The following CNTNAP2 variants were observed in gnomAD, a reference collection of about 807,000 sequenced individuals.
CNTNAP2 encodes the protein contactin-associated protein-like 2.
In CNTNAP2, 98 loss-of-function variants were observed where a neutral mutation model predicts 155.2. The observed-to-expected ratio is 0.63, with a 90% CI of 0.54 to 0.75. CNTNAP2 has a LOEUF of 0.75. CNTNAP2 is among the 30% of genes least tolerant of loss of function. The pLI, the probability that CNTNAP2 is intolerant of heterozygous loss-of-function variation, is 0.00. For missense variants in CNTNAP2, 1,727 were observed against 1,688.1 expected, an observed-to-expected ratio of 1.02 and a Z score of -0.40; for synonymous variants, 651 against 631.2, an observed-to-expected ratio of 1.03 and a Z score of -0.47.
chr7:146,923,766 A>G (rs1185573419), intron 3 of CNTNAP2, among the ~76,000 whole-genome samples: 3 of 152,050 alleles, frequency 2.0e-5, no homozygotes, highest in Non-Finnish European at 4.4e-5. Flanking sequence ...TTTGATCAAG[A>G]TCTCTCTCGA....
chr7:147,913,557 A>C (rs1800105988), intron 14 of CNTNAP2, among the ~76,000 whole-genome samples: 1 of 152,216 alleles, frequency 6.6e-6, no homozygotes, highest in Non-Finnish European at 1.5e-5. Context: ...AAACATGGAC[A>C]ATGGATATTT....
chr7:147,609,608 G>T (rs1369927065), intron 12 of CNTNAP2, among the ~76,000 whole-genome samples: 2 of 152,066 alleles, frequency 1.3e-5, no homozygotes, highest in Non-Finnish European at 2.9e-5. Context: ...GGAGGAAATT[G>T]TTGACTGTCA....
intron 3 of CNTNAP2, among the ~76,000 whole-genome samples, chr7:147,004,591 T>C (rs1798491056): frequency 6.6e-6 from 1 of 152,016 alleles, no homozygotes; most frequent in African/African-American, 2.4e-5. Flanking sequence ...AAAGTCTAGG[T>C]TGGTACAATC....
At chr7:147,929,319 G>C (rs761307923) in intron 14 of CNTNAP2, among the ~76,000 whole-genome samples, 60 of 152,002 alleles carry the variant, frequency 3.9e-4, no homozygotes, top group Non-Finnish European at 7.1e-4. Context: ...GGACACTATA[G>C]GGACAGCATG....
At chr7:146,971,828 G>A (rs139096028) in intron 3 of CNTNAP2, among the ~76,000 whole-genome samples, 3 of 152,256 alleles carry the variant, frequency 2.0e-5, no homozygotes, top group African/African-American at 7.2e-5. Flanking sequence ...CCATCATGGA[G>A]TTTTGAACTA....
chr7:147,842,582 CTT>C (rs1563108253), intron 13 of CNTNAP2, among the ~76,000 whole-genome samples: 1 of 55,168 alleles, frequency 1.8e-5, no homozygotes, highest in Admixed American at 1.7e-4. Flanking sequence ...TTACTTTTTA[CTT>C]TTCTTTTTTT....
intron 9 of CNTNAP2, among the ~76,000 whole-genome samples, chr7:147,338,590 A>T (rs1179208672): frequency 6.6e-6 from 1 of 152,056 alleles, no homozygotes; most frequent in Admixed American, 6.6e-5. Flanking sequence ...AGATCACCAT[A>T]CTCCTTTTCA....
At chr7:147,026,854 C>T (rs1798930280) in intron 3 of CNTNAP2, among the ~76,000 whole-genome samples, 1 of 148,898 alleles carries the variant, frequency 6.7e-6, no homozygotes, top group East Asian at 2.0e-4. Flanking sequence ...TCCTCAGAAT[C>T]TCTGTTTGTA....
chr7:147,380,005 A>T (rs369087205), intron 9 of CNTNAP2, among the ~76,000 whole-genome samples: 2 of 151,982 alleles, frequency 1.3e-5, no homozygotes, highest in Non-Finnish European at 2.9e-5. Context: ...TTTATTTAGC[A>T]TTTCTAGGTG....
chr7:146,822,307 T>A (rs1274881512), intron 2 of CNTNAP2, among the ~76,000 whole-genome samples: 1 of 151,740 alleles, frequency 6.6e-6, no homozygotes, highest in Non-Finnish European at 1.5e-5. Context: ...AACATCACAC[T>A]CTGGGGCCTG....
At chr7:146,881,562 T>C (rs1795550537) in intron 3 of CNTNAP2, among the ~76,000 whole-genome samples, 1 of 152,000 alleles carries the variant, frequency 6.6e-6, no homozygotes, top group Admixed American at 6.6e-5. Context: ...AAACTTCAAA[T>C]GCTACTATTG....
chr7:148,165,929 C>T (rs1436890817), intron 17 of CNTNAP2, among the ~76,000 whole-genome samples: 4 of 152,134 alleles, frequency 2.6e-5, no homozygotes, highest in South Asian at 2.1e-4. Flanking sequence ...ATCCTGCAAC[C>T]GCTCTCATCT....
In CNTNAP2 at chr7:147,141,089, G is replaced by A. The variant is rs527768020; in HGVS notation, c.1348+8580G>A. 3.3e-5 allele frequency among the ~76,000 whole-genome samples: 5 copies of A among 152,234 alleles called. No individual in the cohort carries two copies. In the South Asian group the frequency reaches 1.0e-3, roughly 32 times the overall value. ...TGCTATGGCTCCAATAACCTCGTAAGTTAGGTCCTGCATTATTGAGAAACC... is the reference window on the plus strand; with the variant it reads ...TGCTATGGCTCCAATAACCTCGTAAATTAGGTCCTGCATTATTGAGAAACC... On this transcript the variant is annotated intron_variant, in intron 8 of 23. Coordinates refer to ENST00000361727, the MANE Select transcript of CNTNAP2 (RefSeq NM_014141.6).
chr7:148,196,436 A>G (rs1296679208), intron 18 of CNTNAP2, among the ~76,000 whole-genome samples: 2 of 152,228 alleles, frequency 1.3e-5, no homozygotes, highest in East Asian at 1.9e-4. Context: ...GATCACTAGA[A>G]TGGGGCAGGG....
intron 3 of CNTNAP2, among the ~76,000 whole-genome samples, chr7:146,992,221 A>G (rs1345276684): frequency 6.6e-6 from 1 of 152,184 alleles, no homozygotes; most frequent in Admixed American, 6.6e-5. Context: ...AATCAGCAGA[A>G]CTACTTTTAA....
intron 15 of CNTNAP2, among the ~76,000 whole-genome samples, chr7:147,980,346 A>C (rs893165682): frequency 2.0e-5 from 3 of 152,218 alleles, no homozygotes; most frequent in African/African-American, 7.2e-5. Context: ...TCTTAGAAAC[A>C]TTTTTAGAAC....
intron 13 of CNTNAP2, among the ~76,000 whole-genome samples, chr7:147,760,534 A>G (rs1006081366): frequency 6.6e-6 from 1 of 152,222 alleles, no homozygotes; most frequent in Non-Finnish European, 1.5e-5. Flanking sequence ...AGAGTTATAC[A>G]TTACAGTTTA....
chr7:146,410,017 T>C (rs749695256), intron 1 of CNTNAP2, among the ~76,000 whole-genome samples: 4 of 152,196 alleles, frequency 2.6e-5, no homozygotes, highest in Non-Finnish European at 5.9e-5. Context: ...AAGTTGGGGC[T>C]GGACAGAACC....
intron 12 of CNTNAP2, among the ~76,000 whole-genome samples, chr7:147,596,465 G>T: frequency 6.6e-6 from 1 of 152,048 alleles, no homozygotes; most frequent in East Asian, 1.9e-4. Context: ...ACAGAAATTC[G>T]ATTGTTTTGC....
Sources: gnomAD v4.1 joint callset for allele counts (sites outside exome capture counted in the v4.1 genomes callset) on GRCh38, gnomAD v4.1.1 for gene constraint, MANE v1.5 for transcripts, NCBI Gene and HGNC (gene_info 2026-07-23, HGNC 2026-07-21) for gene names.